PKIG: variants seen among roughly 807,000 people sequenced by gnomAD.
PKIG encodes cAMP-dependent protein kinase inhibitor gamma.
A neutral mutation model predicts 6.8 loss-of-function variants in PKIG; 1 was observed. The ratio of observed to expected loss-of-function variants is 0.15; its 90% CI spans 0.05 to 0.69. PKIG has a LOEUF of 0.69. Among genes scored for constraint, PKIG ranks in the 30% least tolerant of loss-of-function variants. The pLI, the probability that PKIG is intolerant of heterozygous loss-of-function variation, is 0.82. For synonymous variants in PKIG, 39 were observed against 43.0 expected, an observed-to-expected ratio of 0.91 and a Z score of 0.36; for missense variants, 77 against 104.0, an observed-to-expected ratio of 0.74 and a Z score of 1.13.
Position 44,618,585 on chromosome 20 carries a change from G to A in PKIG, c.*221G>A, listed in dbSNP as rs1015595555. ...TCCCACCACCTTCGCACCGTGCCCA[G>A]GTACACTTTCAAGACACTGTAACCA... On this transcript the variant is annotated 3_prime_UTR_variant, in exon 4 of 4. Transcript: ENST00000372886. 6.0e-6 allele frequency: 3 copies of A among 500,536 alleles called. No individual in the cohort carries two copies. The highest frequency in any genetic ancestry group is 1.1e-5 in the Non-Finnish European group (3 of 273,806). The allele number at this position is 500,536 out of a possible 1,614,324, so 31.0% of individuals were successfully genotyped here. A position where few individuals can be genotyped will look rare whatever the true frequency, so the allele number is the denominator to read the frequency against.
rs75676981 is a variant in PKIG, at chr20:44,618,423, A to G, written c.*59A>G. 1 of 1,163,652 alleles carries G rather than the reference A, an allele frequency of 8.6e-7. No individual in the cohort carries two copies. Among genetic ancestry groups the G allele is most frequent in the Non-Finnish European group, 1.3e-6 (1 of 770,228 alleles). The allele number at this position is 1,163,652 out of a possible 1,614,324, so 72.1% of individuals were successfully genotyped here. A position where few individuals can be genotyped will look rare whatever the true frequency, so the allele number is the denominator to read the frequency against. ...CCTTCTGTCCCCTCCCAGAGGGGGA[A>G]CCCTGGCACTGGCCCAGCAGCCTCT... On this transcript the variant is annotated 3_prime_UTR_variant, in exon 4 of 4. Transcript: ENST00000372886.
intron 2 of PKIG, among the ~76,000 whole-genome samples, chr20:44,598,327 A>G (rs2065091961): frequency 6.6e-6 from 1 of 152,168 alleles, no homozygotes; most frequent in Non-Finnish European, 1.5e-5. Flanking sequence ...GTTGCATTCT[A>G]TTTGTTAGAG....
At chr20:44,548,116 T>C (rs564364823) in intron 1 of PKIG, among the ~76,000 whole-genome samples, 1 of 151,950 alleles carries the variant, frequency 6.6e-6, no homozygotes, top group African/African-American at 2.4e-5. Context: ...GAGGTGGAGG[T>C]TGCAGTGAGC....
chr20:44,601,078 G>A (rs905800818), intron 2 of PKIG, among the ~76,000 whole-genome samples: 4 of 152,204 alleles, frequency 2.6e-5, no homozygotes, highest in Admixed American at 6.5e-5. Flanking sequence ...GAGGCCCAAA[G>A]GGTGTGGTGT....
chr20:44,605,552 C>T (rs189776125), intron 2 of PKIG, among the ~76,000 whole-genome samples: 129 of 151,966 alleles, frequency 8.5e-4, no homozygotes, highest in African/African-American at 2.9e-3. Context: ...TAAGGTGGCT[C>T]GCTAATTCAT....
intron 2 of PKIG, among the ~76,000 whole-genome samples, chr20:44,610,489 C>T (rs929338690): frequency 4.0e-4 from 57 of 141,574 alleles, no homozygotes; most frequent in Middle Eastern, 7.2e-3. Context: ...TCTCTCTTCT[C>T]TCTCTCTCTC....
At chr20:44,540,766 G>A (rs1170840957) in intron 1 of PKIG, among the ~76,000 whole-genome samples, 1 of 152,028 alleles carries the variant, frequency 6.6e-6, no homozygotes, top group Non-Finnish European at 1.5e-5. Flanking sequence ...ATTTTTAGTA[G>A]AGACAGGATT....
chr20:44,592,601 G>A (rs1175606910), intron 2 of PKIG, among the ~76,000 whole-genome samples: 3 of 152,322 alleles, frequency 2.0e-5, no homozygotes, highest in Middle Eastern at 3.4e-3. Context: ...AGGGCAGGCC[G>A]TGCATCCAGG....
intron 1 of PKIG, among the ~76,000 whole-genome samples, chr20:44,542,762 T>G (rs1421977243): frequency 6.6e-6 from 1 of 152,060 alleles, no homozygotes; most frequent in Non-Finnish European, 1.5e-5. Context: ...CCAGCTAATT[T>G]TTGTATTTTT....
chr20:44,610,568 T>C (rs551002966), intron 2 of PKIG, among the ~76,000 whole-genome samples: 69 of 149,338 alleles, frequency 4.6e-4, no homozygotes, highest in Non-Finnish European at 8.9e-4. Context: ...CTGGGTGCCT[T>C]CTGGGCACTT....
At chr20:44,553,545 G>A (rs2064687188) in intron 1 of PKIG, among the ~76,000 whole-genome samples, 1 of 152,072 alleles carries the variant, frequency 6.6e-6, no homozygotes, top group Non-Finnish European at 1.5e-5. Flanking sequence ...TCAGCAAAAT[G>A]GTGAAGGAAG....
chr20:44,587,315 T>C lies in PKIG; in HGVS notation c.-93-2482T>C, dbSNP rs559299048. Among the ~76,000 whole-genome samples the C allele has an allele frequency of 2.6e-5, 4 of 152,342 alleles. No homozygotes were observed. The South Asian group carries it at 8.3e-4, about 32-fold the overall frequency. ...CTGATCTTGCGCTGGGTTGATTCCT[T>C]CTGCTCTCTCCCTACAATTCCTGGC... On this transcript the variant is annotated intron_variant, in intron 1 of 3. Transcript: ENST00000372886.
At chr20:44,607,375 A>ATT (rs1484119006) in intron 2 of PKIG, among the ~76,000 whole-genome samples, 4,675 of 105,704 alleles carry the variant, frequency 0.044, 160 homozygotes, top group Non-Finnish European at 0.051. Context: ...ATATATATAT[A>ATT]TATTTTTTTT....
chr20:44,553,224 C>T (rs1039943087), intron 1 of PKIG, among the ~76,000 whole-genome samples: 9 of 152,130 alleles, frequency 5.9e-5, no homozygotes, highest in Non-Finnish European at 1.5e-5. Flanking sequence ...GGTATCAGGT[C>T]ATTAATTCCA....
intron 1 of PKIG, among the ~76,000 whole-genome samples, chr20:44,569,133 A>G (rs1261774053): frequency 6.6e-6 from 1 of 152,180 alleles, no homozygotes; most frequent in Admixed American, 6.5e-5. Flanking sequence ...ATATCGTCAA[A>G]TTGCCCTTTA....
At chr20:44,544,940 T>C (rs1240014245) in intron 1 of PKIG, among the ~76,000 whole-genome samples, 1 of 134,822 alleles carries the variant, frequency 7.4e-6, no homozygotes, top group African/African-American at 2.8e-5. Flanking sequence ...TTTTTTTTTT[T>C]TTTTTTTTTT....
chr20:44,576,325 AAC>A (rs2064897879), intron 1 of PKIG, among the ~76,000 whole-genome samples: 1 of 152,096 alleles, frequency 6.6e-6, no homozygotes, highest in South Asian at 2.1e-4. Context: ...CTGGTGGGGA[AAC>A]ACATGGAACG....
chr20:44,591,738 C>T (rs1430745559), intron 2 of PKIG, among the ~76,000 whole-genome samples: 1 of 152,188 alleles, frequency 6.6e-6, no homozygotes. Context: ...CTCTTCTTTT[C>T]TCTCATCTCA....
chr20:44,544,695 A>T (rs2064594863), intron 1 of PKIG, among the ~76,000 whole-genome samples: 1 of 152,190 alleles, frequency 6.6e-6, no homozygotes, highest in African/African-American at 2.4e-5. Flanking sequence ...ACTTGTGAAG[A>T]AGGCTGGTAA....
Sources: allele counts gnomAD v4.1 joint callset (sites outside exome capture counted in the v4.1 genomes callset), GRCh38; gene constraint gnomAD v4.1.1; transcripts MANE v1.5; gene names NCBI Gene and HGNC (gene_info 2026-07-23, HGNC 2026-07-21).